Variants in DAB1 observed in about 807,000 individuals in gnomAD.
DAB1 encodes DAB adaptor protein 1.
Under a neutral mutation model 64.6 loss-of-function variants are expected in DAB1, and 15 were observed. The observed-to-expected ratio is 0.23, with a 90% CI of 0.16 to 0.36. DAB1 has a LOEUF of 0.36. DAB1 is among the 10% of genes least tolerant of loss of function. DAB1 has a pLI of 1.00. For synonymous variants in DAB1, 235 were observed against 251.9 expected (o/e 0.93, Z 0.64); for missense variants, 596 against 706.7 (o/e 0.84, Z 1.78).
chr1:58,258,049 C>T (rs1056197823), intron 4 of DAB1, among the ~76,000 whole-genome samples: 2 of 152,218 alleles, frequency 1.3e-5, no homozygotes, highest in African/African-American at 4.8e-5. Flanking sequence ...ACCCCCAACA[C>T]ATTCCTCGTA....
chr1:57,858,900 C>T (rs926027633), intron 1 of DAB1, among the ~76,000 whole-genome samples: 1 of 151,882 alleles, frequency 6.6e-6, no homozygotes, highest in African/African-American at 2.4e-5. Context: ...GGAAATCCCA[C>T]TCTCTGACAT....
intron 5 of DAB1, among the ~76,000 whole-genome samples, chr1:57,932,692 C>A (rs1240829416): frequency 6.6e-6 from 1 of 151,948 alleles, no homozygotes; most frequent in Non-Finnish European, 1.5e-5. Flanking sequence ...ATGTAATGAC[C>A]CACTTTATCC....
chr1:58,446,086 C>A (rs1645062905), intron 3 of DAB1, among the ~76,000 whole-genome samples: 1 of 152,180 alleles, frequency 6.6e-6, no homozygotes, highest in Non-Finnish European at 1.5e-5. Context: ...TACCCCTAAC[C>A]ATCTATTTTA....
intron 14 of DAB1, among the ~76,000 whole-genome samples, chr1:57,004,521 G>A (rs1422519751): frequency 2.0e-5 from 3 of 152,164 alleles, no homozygotes; most frequent in African/African-American, 7.2e-5. Context: ...CGGGGGCCTA[G>A]GGTAAGAAAA....
intron 7 of DAB1, among the ~76,000 whole-genome samples, chr1:57,442,332 A>T (rs1685987842): frequency 6.6e-6 from 1 of 152,158 alleles, no homozygotes; most frequent in Admixed American, 6.5e-5. Context: ...TTGGATATGG[A>T]TTTCTCTCTT....
At chr1:57,519,739 T>C (rs1479218208) in intron 7 of DAB1, among the ~76,000 whole-genome samples, 1 of 152,228 alleles carries the variant, frequency 6.6e-6, no homozygotes, top group African/African-American at 2.4e-5. Context: ...TATCTCCTAC[T>C]GCACATTAAT....
At chr1:57,595,136 T>C (rs1300124860) in intron 7 of DAB1, among the ~76,000 whole-genome samples, 2 of 152,054 alleles carry the variant, frequency 1.3e-5, no homozygotes, top group Non-Finnish European at 2.9e-5. Flanking sequence ...ATTTTGAATA[T>C]AGTTGTTGTT....
At chr1:57,373,013 GAAA>G (rs11387419) in intron 1 of DAB1, among the ~76,000 whole-genome samples, 3 of 146,940 alleles carry the variant, frequency 2.0e-5, no homozygotes, top group African/African-American at 5.0e-5. Flanking sequence ...TACGTCTCTA[GAAA>G]AAAAAAAAAA....
chr1:57,030,476 T>C (rs1217052675), intron 9 of DAB1, among the ~76,000 whole-genome samples: 1 of 152,160 alleles, frequency 6.6e-6, no homozygotes, highest in African/African-American at 2.4e-5. Context: ...AGGAAACTGC[T>C]TAAAATGGCC....
At chr1:57,896,905 G>T (rs1644399917) in intron 5 of DAB1, among the ~76,000 whole-genome samples, 1 of 152,108 alleles carries the variant, frequency 6.6e-6, no homozygotes, top group Admixed American at 6.6e-5. Context: ...CAAAAAAGAA[G>T]ACCTACTCCA....
Position 57,211,220 on chromosome 1 carries a change from C to T in DAB1, c.68-65791G>A, listed in dbSNP as rs61765589. Among the ~76,000 whole-genome samples, 1,269 of 152,284 alleles carry T rather than the reference C, an allele frequency of 8.3e-3. 35 individuals carry two copies. In the East Asian group the frequency reaches 0.094, roughly 11 times the overall value. On this transcript the variant is annotated intron_variant, in intron 2 of 14. Transcript: ENST00000371236. ...AAAGTCAATGAAAACACTCAGAGTT[C>T]GTTAAGGCTCTTCAGTGAAGATCTT...
intron 6 of DAB1, among the ~76,000 whole-genome samples, chr1:57,756,978 A>T (rs1356430161): frequency 6.6e-6 from 1 of 152,152 alleles, no homozygotes; most frequent in Non-Finnish European, 1.5e-5. Flanking sequence ...GCCTGTTGCA[A>T]TAGCACACAA....
At chr1:58,071,634 G>A (rs982469190) in intron 5 of DAB1, 21 of 152,094 alleles carry the variant, frequency 1.4e-4, no homozygotes, top group African/African-American at 4.8e-4. Context: ...CTCATGATGA[G>A]GTAAGTTTTA....
chr1:58,172,846 T>C (rs548634943), intron 4 of DAB1, among the ~76,000 whole-genome samples: 3 of 152,208 alleles, frequency 2.0e-5, no homozygotes, highest in Non-Finnish European at 4.4e-5. Flanking sequence ...GAAGAATAAA[T>C]GTATATACAG....
intron 3 of DAB1, among the ~76,000 whole-genome samples, chr1:58,488,140 G>A (rs925541270): frequency 1.4e-4 from 21 of 152,060 alleles, no homozygotes; most frequent in African/African-American, 4.6e-4. Flanking sequence ...AAAAACTCAT[G>A]AAAATATAAC....
Position 58,051,342 on chromosome 1 carries a change from T to C in DAB1, n.387+99169A>G, listed in dbSNP as rs192236109. Among the ~76,000 whole-genome samples the C allele has an allele frequency of 1.4e-3, 211 of 152,300 alleles. 1 individual carries two copies. The highest frequency in any genetic ancestry group is 2.6e-3 in the Non-Finnish European group (175 of 68,022). On this transcript the variant is annotated intron_variant and non_coding_transcript_variant, in intron 5 of 20. Transcript: ENST00000485760. ...TGATAGTTTGCTCAGAATGATGGTTTCCAGCTTCATCCATGTCCCTTCAAA... is the reference window on the plus strand; with the variant it reads ...TGATAGTTTGCTCAGAATGATGGTTCCCAGCTTCATCCATGTCCCTTCAAA...
chr1:57,181,522 C>A (rs1347439917), intron 2 of DAB1, among the ~76,000 whole-genome samples: 2 of 152,142 alleles, frequency 1.3e-5, no homozygotes, highest in African/African-American at 4.8e-5. Flanking sequence ...TTACATGTTT[C>A]CTTATCTCTT....
chr1:57,294,264 C>T (rs1480600203), intron 1 of DAB1, among the ~76,000 whole-genome samples: 1 of 152,190 alleles, frequency 6.6e-6, no homozygotes, highest in Non-Finnish European at 1.5e-5. Flanking sequence ...TTTCTTTGCT[C>T]CACACAATCT....
At chr1:57,930,954 T>C (rs528075503) in intron 5 of DAB1, among the ~76,000 whole-genome samples, 3 of 152,318 alleles carry the variant, frequency 2.0e-5, no homozygotes, top group African/African-American at 7.2e-5. Flanking sequence ...AGAAGGCTTC[T>C]AGATTCTCAC....
Sources: allele counts gnomAD v4.1 joint callset (sites outside exome capture counted in the v4.1 genomes callset), GRCh38; gene constraint gnomAD v4.1.1; transcripts MANE v1.5; gene names NCBI Gene and HGNC (gene_info 2026-07-23, HGNC 2026-07-21).